Variants in DOCK7 observed in about 807,000 individuals in gnomAD.
The protein encoded by DOCK7 is dedicator of cytokinesis 7.
In DOCK7, 138 loss-of-function variants were observed where a neutral mutation model predicts 271.0. The observed-to-expected ratio is 0.51, with a 90% confidence interval of 0.44 to 0.59. The LOEUF is 0.59. Among genes scored for constraint, DOCK7 ranks in the 20% least tolerant of loss-of-function variants. The pLI is 0.00. For missense variants in DOCK7, 2,066 were observed against 2,592.4 expected (o/e 0.80, Z 4.41); for synonymous variants, 823 against 876.1 (o/e 0.94, Z 1.07).
intron 7 of DOCK7, among the ~76,000 whole-genome samples, chr1:62,646,192 T>C (rs908863613): frequency 2.7e-4 from 40 of 149,784 alleles, no homozygotes; most frequent in African/African-American, 9.5e-4. Flanking sequence ...CACTCATATA[T>C]GCTATAACAC....
At chr1:62,675,600 G>A (rs888396406) in intron 1 of DOCK7, among the ~76,000 whole-genome samples, 1 of 151,986 alleles carries the variant, frequency 6.6e-6, no homozygotes, top group African/African-American at 2.4e-5. Flanking sequence ...GGCTAATGTG[G>A]TGAAACCCCG....
In DOCK7 at chr1:62,528,392, A is replaced by T. The variant is rs531311515; in HGVS notation, c.3782-87T>A. On this transcript the variant is annotated intron_variant, in intron 30 of 49. Coordinates refer to ENST00000635253, the MANE Select transcript of DOCK7 (RefSeq NM_001367561.1). Reference sequence around the variant, plus strand: ...ATTCTCCACTATTCTTTAAAAGAATAACTTGTTGACATGTTATAGTTATTA... The same window carrying T: ...ATTCTCCACTATTCTTTAAAAGAATTACTTGTTGACATGTTATAGTTATTA... 11 of 1,275,572 alleles carry T rather than the reference A, an allele frequency of 8.6e-6. No homozygotes were observed. In the South Asian group the frequency reaches 1.5e-4, roughly 17 times the overall value. 79.0% of individuals were successfully genotyped at this position (1,275,572 alleles called of 1,614,324 possible).
chr1:62,682,614 A>G (rs1320399923), intron 1 of DOCK7, among the ~76,000 whole-genome samples: 1 of 152,262 alleles, frequency 6.6e-6, no homozygotes, highest in African/African-American at 2.4e-5. Context: ...CTAGCCCTCA[A>G]GAGCCCTATA....
intron 18 of DOCK7, among the ~76,000 whole-genome samples, chr1:62,575,731 T>C (rs1009419043): frequency 6.6e-6 from 1 of 152,168 alleles, no homozygotes; most frequent in African/African-American, 2.4e-5. Flanking sequence ...ATTTCACATA[T>C]CAAGCAGCTA....
chr1:62,532,939 T>C (rs1645223755), intron 29 of DOCK7, among the ~76,000 whole-genome samples: 1 of 152,170 alleles, frequency 6.6e-6, no homozygotes, highest in Non-Finnish European at 1.5e-5. Flanking sequence ...GGCAACTATA[T>C]GCAAGACTAT....
At chr1:62,682,659 G>GC (rs1661306908) in intron 1 of DOCK7, among the ~76,000 whole-genome samples, 1 of 152,208 alleles carries the variant, frequency 6.6e-6, no homozygotes, top group African/African-American at 2.4e-5. Flanking sequence ...CAACTATATA[G>GC]CCCAAGGATT....
rs1174232507 is a variant in DOCK7, at chr1:62,583,122, G to A, written c.1871+62C>T. 2.2e-6 allele frequency: 3 copies of A among 1,336,034 alleles called. No homozygotes were observed. The Admixed American group carries it at 5.2e-5, about 23-fold the overall frequency. 82.8% of individuals were successfully genotyped at this position (1,336,034 alleles called of 1,614,324 possible). On this transcript the variant is annotated intron_variant, in intron 16 of 49. Transcript: ENST00000635253. ...CAAAGCATTTGGTAAACACACTAATGTGAGTGCTAACAATGCCACTGAGAA... is the reference window on the plus strand; with the variant it reads ...CAAAGCATTTGGTAAACACACTAATATGAGTGCTAACAATGCCACTGAGAA...
Position 62,625,418 on chromosome 1 carries a change from A to G in DOCK7, c.1283-17T>C. The G allele has an allele frequency of 6.4e-7, 1 of 1,571,422 alleles. No individual in the cohort carries two copies. The highest frequency in any genetic ancestry group is 1.2e-5 in the South Asian group (1 of 83,622). On this transcript the variant is annotated splice_polypyrimidine_tract_variant and intron_variant, in intron 11 of 49. Coordinates refer to ENST00000635253, the MANE Select transcript of DOCK7 (RefSeq NM_001367561.1). Reference sequence around the variant, plus strand: ...CTTTTCGTTCTACAAAAGAATTAAAAAAAAAATTCATTTTCATAGAAGTTA... The same window carrying G: ...CTTTTCGTTCTACAAAAGAATTAAAGAAAAAATTCATTTTCATAGAAGTTA...
intron 7 of DOCK7, among the ~76,000 whole-genome samples, chr1:62,645,623 T>C (rs1656553408): frequency 1.3e-5 from 2 of 152,162 alleles, no homozygotes; most frequent in African/African-American, 4.8e-5. Flanking sequence ...GTTGCACAAA[T>C]CTAAGAATAT....
chr1:62,665,886 G>T (rs1571951643), intron 1 of DOCK7, among the ~76,000 whole-genome samples: 1 of 151,846 alleles, frequency 6.6e-6, no homozygotes, highest in Non-Finnish European at 1.5e-5. Flanking sequence ...ATCACTGGCC[G>T]GGAACGGTGG....
intron 31 of DOCK7, among the ~76,000 whole-genome samples, chr1:62,518,955 G>A (rs148110077): frequency 2.1e-4 from 32 of 150,196 alleles, no homozygotes; most frequent in African/African-American, 7.8e-4. Flanking sequence ...TTTAAAAGAA[G>A]TATCTAAAAC....
intron 22 of DOCK7, among the ~76,000 whole-genome samples, chr1:62,550,134 T>C (rs766308539): frequency 8.5e-5 from 13 of 152,118 alleles, no homozygotes; most frequent in Non-Finnish European, 1.6e-4. Flanking sequence ...AGAAAAACAA[T>C]AGCATGCCTA....
At chr1:62,484,885 A>T (rs1332132950) in intron 43 of DOCK7, 1 of 152,536 alleles carries the variant, frequency 6.6e-6, no homozygotes, top group East Asian at 1.9e-4. Context: ...TATTCCTATA[A>T]TCCTAGCACT....
intron 31 of DOCK7, among the ~76,000 whole-genome samples, chr1:62,520,888 T>C (rs1377202770): frequency 1.3e-5 from 2 of 151,912 alleles, no homozygotes; most frequent in Non-Finnish European, 2.9e-5. Context: ...ATAAAGAAAA[T>C]GTGGCACATA....
chr1:62,514,642 A>G (rs1042066174), intron 31 of DOCK7, among the ~76,000 whole-genome samples: 1 of 152,136 alleles, frequency 6.6e-6, no homozygotes, highest in African/African-American at 2.4e-5. Context: ...AAAAATACAG[A>G]TGATAATAAT....
At chr1:62,480,164 C>T (rs1557602378) in intron 43 of DOCK7, among the ~76,000 whole-genome samples, 1 of 152,130 alleles carries the variant, frequency 6.6e-6, no homozygotes, top group Admixed American at 6.5e-5. Context: ...CACTTTATTA[C>T]AATGCCATCC....
At chr1:62,633,236 T>G (rs569062807) in intron 10 of DOCK7, among the ~76,000 whole-genome samples, 3 of 152,142 alleles carry the variant, frequency 2.0e-5, no homozygotes, top group Admixed American at 2.0e-4. Flanking sequence ...GTCAGTTAGT[T>G]TTGAGATAGA....
chr1:62,564,620 C>T (rs1210953964), intron 18 of DOCK7, among the ~76,000 whole-genome samples: 5 of 151,582 alleles, frequency 3.3e-5, no homozygotes, highest in African/African-American at 7.3e-5. Flanking sequence ...AAATTGACAC[C>T]CTAACATCAC....
At position 62,570,005 on chromosome 1, in the gene DOCK7, C is replaced by A. The variant is rs758731830; in HGVS notation, c.2112+7257G>T. ...CTGGGATTATAGGCATGGGCCACTGCGTCCAGCCACCACTCCTATTCAACA... is the reference window on the plus strand; with the variant it reads ...CTGGGATTATAGGCATGGGCCACTGAGTCCAGCCACCACTCCTATTCAACA... On this transcript the variant is annotated intron_variant, in intron 18 of 49. Coordinates refer to ENST00000635253, the MANE Select transcript of DOCK7 (RefSeq NM_001367561.1). Among the ~76,000 whole-genome samples, 15 of 152,162 alleles carry A rather than the reference C, an allele frequency of 9.9e-5. 1 individual carries two copies. The highest frequency in any genetic ancestry group is 3.6e-4 in the African/African-American group (15 of 41,436).
Sources: gnomAD v4.1 joint callset for allele counts (sites outside exome capture counted in the v4.1 genomes callset) on GRCh38, gnomAD v4.1.1 for gene constraint, MANE v1.5 for transcripts, NCBI Gene and HGNC (gene_info 2026-07-23, HGNC 2026-07-21) for gene names.